Variants in MBD5 observed in about 807,000 individuals in gnomAD.
MBD5 encodes the protein methyl-CpG binding domain protein 5, also known as methyl-CpG-binding domain protein 5.
Under a neutral mutation model 117.3 loss-of-function variants are expected in MBD5, and 13 were observed. The ratio of observed to expected loss-of-function variants is 0.11; its 90% CI spans 0.07 to 0.18. The LOEUF (loss-of-function observed/expected upper bound fraction) is 0.18. MBD5 is among the 10% of genes least tolerant of loss of function. The pLI, the probability that MBD5 is intolerant of heterozygous loss-of-function variation, is 1.00. For synonymous variants in MBD5, 727 were observed against 766.4 expected (o/e 0.95, Z 0.85); for missense variants, 1,879 against 2,093.8 (o/e 0.90, Z 2.00).
chr2:148,483,465 A>G lies in MBD5; in HGVS notation c.2874A>G (p.Leu958=). Residue 958 remains leucine, a synonymous_variant, in exon 9 of 14, where the codon TTA becomes TTG. Transcript: ENST00000642680. The stretch of plus-strand genomic sequence containing the variant: ...AGTCTGAGATCAACCTCCACCCTTT[A>G]GGTTTTCTCAACCCGAATGTAAACG... ...EGKSEINLHP[L]GFLNPNVNAA... is the part of the protein sequence containing the mutation. The G allele has an allele frequency of 6.2e-7, 1 of 1,614,000 alleles. No individual in the cohort carries two copies. The highest frequency in any genetic ancestry group is 8.5e-7 in the Non-Finnish European group (1 of 1,179,942).
intron 4 of MBD5, among the ~76,000 whole-genome samples, chr2:148,440,175 A>C (rs1706276494): frequency 6.6e-6 from 1 of 152,248 alleles, no homozygotes; most frequent in Admixed American, 6.5e-5. Context: ...TGATAAAATA[A>C]TTTGAAAACT....
chr2:148,404,552 G>T (rs898556819), intron 4 of MBD5, among the ~76,000 whole-genome samples: 6 of 152,068 alleles, frequency 3.9e-5, no homozygotes, highest in African/African-American at 1.4e-4. Flanking sequence ...CTTCAGATAC[G>T]TTTCCTCTAC....
At chr2:148,030,406 C>T (rs1443581629) in intron 1 of MBD5, among the ~76,000 whole-genome samples, 1 of 152,056 alleles carries the variant, frequency 6.6e-6, no homozygotes, top group African/African-American at 2.4e-5. Context: ...TTGAAAAGCA[C>T]ATCACAAAAT....
chr2:148,184,084 A>G (rs2105870402), intron 2 of MBD5, among the ~76,000 whole-genome samples: 1 of 151,102 alleles, frequency 6.6e-6, no homozygotes, highest in African/African-American at 2.4e-5. Context: ...CAGTGACACA[A>G]TCTCTGCTCA....
chr2:148,222,197 T>G (rs1699703194), intron 2 of MBD5, among the ~76,000 whole-genome samples: 1 of 152,028 alleles, frequency 6.6e-6, no homozygotes, highest in African/African-American at 2.4e-5. Flanking sequence ...TAATGTGATT[T>G]TCTCAGTTTT....
At chr2:148,308,806 A>G (rs1187946875) in intron 3 of MBD5, among the ~76,000 whole-genome samples, 1 of 152,082 alleles carries the variant, frequency 6.6e-6, no homozygotes, top group Non-Finnish European at 1.5e-5. Context: ...ATAAGTCTTT[A>G]ATCCATCCTA....
intron 3 of MBD5, among the ~76,000 whole-genome samples, chr2:148,293,259 G>C (rs1474423971): frequency 6.6e-6 from 1 of 152,074 alleles, no homozygotes; most frequent in Admixed American, 6.5e-5. Context: ...TAGGGGATTG[G>C]GGGAGAGGTG....
chr2:148,351,276 C>T (rs1227349343), intron 4 of MBD5, among the ~76,000 whole-genome samples: 1 of 151,896 alleles, frequency 6.6e-6, no homozygotes, highest in Non-Finnish European at 1.5e-5. Flanking sequence ...TCCACAAATC[C>T]CCCAGTCCCA....
chr2:148,227,852 A>G (rs1699874150), intron 2 of MBD5, among the ~76,000 whole-genome samples: 2 of 152,098 alleles, frequency 1.3e-5, no homozygotes, highest in Non-Finnish European at 2.9e-5. Flanking sequence ...TTGGATTCCT[A>G]GGTATTTTAT....
chr2:148,454,831 G>T (rs1706834037), intron 4 of MBD5, among the ~76,000 whole-genome samples: 1 of 151,976 alleles, frequency 6.6e-6, no homozygotes, highest in South Asian at 2.1e-4. Context: ...AAAAACAAAT[G>T]ATTGAAAAAA....
At chr2:148,072,827 A>G (rs1184116439) in intron 1 of MBD5, among the ~76,000 whole-genome samples, 2 of 152,214 alleles carry the variant, frequency 1.3e-5, no homozygotes, top group African/African-American at 4.8e-5. Flanking sequence ...TTTCTTTTCA[A>G]CAGTGGTAAA....
At chr2:148,074,495 G>GTTT (rs1034437368) in intron 1 of MBD5, among the ~76,000 whole-genome samples, 29 of 109,834 alleles carry the variant, frequency 2.6e-4, no homozygotes, top group South Asian at 6.2e-4. Context: ...TTTTTTTTTT[G>GTTT]TTTTTTTTTT....
intron 3 of MBD5, among the ~76,000 whole-genome samples, chr2:148,236,112 A>G (rs1243935407): frequency 6.6e-6 from 1 of 152,042 alleles, no homozygotes; most frequent in Non-Finnish European, 1.5e-5. Context: ...TTTGATAGTG[A>G]AAGGTCTTAC....
intron 4 of MBD5, among the ~76,000 whole-genome samples, chr2:148,345,514 T>TATATACACATACATATGTATATACAC (rs1275486008): frequency 1.0e-5 from 1 of 95,970 alleles, no homozygotes; most frequent in Non-Finnish European, 2.1e-5. Flanking sequence ...TATACATATG[T>TATATACACATACATATGTATATACAC]ATATACACAT....
chr2:148,153,632 C>T (rs1327835983), intron 1 of MBD5, among the ~76,000 whole-genome samples: 1 of 110,734 alleles, frequency 9.0e-6, no homozygotes, highest in Non-Finnish European at 1.9e-5. Context: ...GGAGGCTTTG[C>T]TCATTTCTTT....
At chr2:148,210,971 C>T (rs1467163594) in intron 2 of MBD5, among the ~76,000 whole-genome samples, 2 of 152,108 alleles carry the variant, frequency 1.3e-5, no homozygotes, top group Non-Finnish European at 2.9e-5. Flanking sequence ...TCCCAATCTG[C>T]TGAAGTAAAT....
chr2:148,153,727 C>T lies in MBD5; in HGVS notation c.-924-24973C>T, dbSNP rs1460887230. On this transcript the variant is annotated intron_variant, in intron 1 of 13. Transcript: ENST00000642680. ...ACTGATACCCTTTCTTCCAGTTGAT[C>T]GCATCAGCTCCTGAGGCTTCTGCAT... 6.6e-3 allele frequency among the ~76,000 whole-genome samples: 958 copies of T among 145,310 alleles called. 8 individuals carry two copies. The highest frequency in any genetic ancestry group is 0.023 in the African/African-American group (884 of 39,176).
chr2:148,433,668 G>A (rs1706063611), intron 4 of MBD5, among the ~76,000 whole-genome samples: 1 of 152,166 alleles, frequency 6.6e-6, no homozygotes, highest in African/African-American at 2.4e-5. Context: ...ACTTGCATAT[G>A]TGGAACCAAC....
intron 3 of MBD5, among the ~76,000 whole-genome samples, chr2:148,307,205 G>A (rs1701914640): frequency 6.6e-6 from 1 of 151,994 alleles, no homozygotes; most frequent in Admixed American, 6.5e-5. Flanking sequence ...GAAACCTTAG[G>A]TCTTTTAAAA....
Sources: gnomAD v4.1 joint callset for allele counts (sites outside exome capture counted in the v4.1 genomes callset) on GRCh38, gnomAD v4.1.1 for gene constraint, MANE v1.5 for transcripts, NCBI Gene and HGNC (gene_info 2026-07-23, HGNC 2026-07-21) for gene names.